The following PRKN variants were observed in gnomAD, a reference collection of about 807,000 sequenced individuals.
The protein encoded by PRKN is parkin RBR E3 ubiquitin protein ligase.
A neutral mutation model predicts 59.5 loss-of-function variants in PRKN; 56 were observed. That is an observed-to-expected ratio of 0.94 (90% CI 0.76 to 1.18). PRKN has a LOEUF of 1.18. Ranked by LOEUF, PRKN falls within the 50% of genes most tolerant of loss-of-function variation. PRKN has a pLI of 0.00. For missense variants in PRKN, 657 were observed against 596.4 expected, an observed-to-expected ratio of 1.10 and a Z score of -1.06; for synonymous variants, 250 against 222.1, an observed-to-expected ratio of 1.13 and a Z score of -1.12.
intron 1 of PRKN, among the ~76,000 whole-genome samples, chr6:162,652,835 AC>A (rs1455423916): frequency 1.3e-5 from 2 of 151,914 alleles, no homozygotes; most frequent in Admixed American, 6.6e-5. Context: ...TTGAGAACTA[AC>A]CCCCCGATAA....
At chr6:161,431,737 C>T (rs1213592155) in intron 9 of PRKN, among the ~76,000 whole-genome samples, 2 of 152,006 alleles carry the variant, frequency 1.3e-5, no homozygotes, top group Non-Finnish European at 2.9e-5. Context: ...CTCAGCCTCC[C>T]GAGTAGCTGG....
intron 1 of PRKN, among the ~76,000 whole-genome samples, chr6:162,647,460 A>T (rs549538777): frequency 6.8e-6 from 1 of 148,120 alleles, no homozygotes; most frequent in African/African-American, 2.4e-5. Context: ...CAAAATTGTG[A>T]TTCAAACGCA....
chr6:162,195,453 G>C (rs1225987229), intron 4 of PRKN, among the ~76,000 whole-genome samples: 1 of 152,146 alleles, frequency 6.6e-6, no homozygotes, highest in Non-Finnish European at 1.5e-5. Context: ...CAAATATTAA[G>C]CTTAGGAATG....
chr6:162,535,856 C>G (rs1257263317), intron 1 of PRKN, among the ~76,000 whole-genome samples: 1 of 149,988 alleles, frequency 6.7e-6, no homozygotes, highest in African/African-American at 2.5e-5. Context: ...TGCAATGAAC[C>G]AAGATCGCAC....
chr6:162,073,771 T>G (rs73032227), intron 4 of PRKN, among the ~76,000 whole-genome samples: 1 of 152,192 alleles, frequency 6.6e-6, no homozygotes, highest in East Asian at 1.9e-4. Context: ...TTTTAAAACA[T>G]AATTTGGCAG....
intron 2 of PRKN, among the ~76,000 whole-genome samples, chr6:162,432,511 C>T (rs542295061): frequency 1.9e-4 from 29 of 151,032 alleles, no homozygotes; most frequent in South Asian, 1.0e-3. Context: ...GGCAACAAAG[C>T]GAGACACCGT....
At chr6:162,275,744 A>G (rs1312181643) in intron 2 of PRKN, among the ~76,000 whole-genome samples, 2 of 152,026 alleles carry the variant, frequency 1.3e-5, no homozygotes, top group African/African-American at 2.4e-5. Flanking sequence ...AAGACCACAC[A>G]ATCGCACTCC....
intron 7 of PRKN, among the ~76,000 whole-genome samples, chr6:161,637,380 CAAG>C (rs1421036533): frequency 1.3e-5 from 2 of 150,138 alleles, no homozygotes; most frequent in Non-Finnish European, 3.0e-5. Context: ...ATTAAACTGT[CAAG>C]AACAAAATTG....
intron 3 of PRKN, among the ~76,000 whole-genome samples, chr6:162,257,964 C>G (rs949212294): frequency 6.6e-6 from 1 of 152,120 alleles, no homozygotes; most frequent in Non-Finnish European, 1.5e-5. Context: ...TTTCTGACAT[C>G]CTCTTCTCCG....
chr6:161,712,199 A>T (rs1786778333), intron 7 of PRKN, among the ~76,000 whole-genome samples: 1 of 152,198 alleles, frequency 6.6e-6, no homozygotes. Flanking sequence ...AGAATATTCA[A>T]ATGTGGGCCT....
Position 162,264,463 on chromosome 6 carries a change from CTCG to C in PRKN, c.172-1701_172-1699del, listed in dbSNP as rs530302227. 8.2e-3 allele frequency among the ~76,000 whole-genome samples: 1,242 copies of C among 152,114 alleles called. 6 individuals are homozygous for C. Among genetic ancestry groups the C allele is most frequent in the Middle Eastern group, 0.031 (9 of 294 alleles). ...TCTGTTGCCCTCACCATCAATGTCC[CTCG>C]AACAGTGGTGCCCAGCACTCACCAA... On this transcript the variant is annotated intron_variant, in intron 2 of 11. Coordinates refer to ENST00000366898, the MANE Select transcript of PRKN (RefSeq NM_004562.3).
intron 6 of PRKN, among the ~76,000 whole-genome samples, chr6:161,912,250 G>A (rs12526500): frequency 5.9e-5 from 9 of 151,834 alleles, no homozygotes; most frequent in Admixed American, 2.0e-4. Context: ...TTGAGCGGAC[G>A]TTAAAACCAG....
intron 7 of PRKN, among the ~76,000 whole-genome samples, chr6:161,715,780 C>T (rs1786948159): frequency 6.6e-6 from 1 of 152,130 alleles, no homozygotes; most frequent in Non-Finnish European, 1.5e-5. Flanking sequence ...TGATGCAGAA[C>T]CCCAGTCACT....
rs763721534 is a variant in PRKN at position 161,562,596 on chromosome 6, G to A, written c.933+6759C>T. ...GCTCTCACTCACACATCCAAGTCCC[G>A]ACTTATCTCCTTCTCCATGCTTCAG... is the stretch of plus-strand genomic sequence containing the variant. On this transcript the variant is annotated intron_variant, in intron 8 of 11. Coordinates refer to ENST00000366898, the MANE Select transcript of PRKN (RefSeq NM_004562.3). This position sits in a 1 kb window ranked among gnomAD's most constrained non-coding sequence, Gnocchi z 4.3. 3.9e-5 allele frequency among the ~76,000 whole-genome samples: 6 copies of A among 152,128 alleles called. No individual in the cohort carries two copies. Among genetic ancestry groups the A allele is most frequent in the Non-Finnish European group, 7.3e-5 (5 of 68,030 alleles).
chr6:161,787,953 CA>C (rs1790490741), intron 6 of PRKN, among the ~76,000 whole-genome samples: 1 of 152,098 alleles, frequency 6.6e-6, no homozygotes, highest in Non-Finnish European at 1.5e-5. Flanking sequence ...AACAAACAAA[CA>C]AAAAAGCTTA....
intron 1 of PRKN, among the ~76,000 whole-genome samples, chr6:162,638,882 T>C (rs1323319365): frequency 6.6e-6 from 1 of 151,778 alleles, no homozygotes; most frequent in African/African-American, 2.4e-5. Context: ...ATAGTTGGGA[T>C]TACAGGCACC....
At chr6:161,516,894 C>T (rs1334334603) in intron 9 of PRKN, among the ~76,000 whole-genome samples, 1 of 150,560 alleles carries the variant, frequency 6.6e-6, no homozygotes, top group Non-Finnish European at 1.5e-5. Flanking sequence ...AATAAGCCAC[C>T]ATTTCAGTGG....
At chr6:162,480,064 CAA>C (rs59112045) in intron 1 of PRKN, among the ~76,000 whole-genome samples, 76 of 141,624 alleles carry the variant, frequency 5.4e-4, no homozygotes, top group Admixed American at 1.3e-3. Flanking sequence ...GATTTTGTCT[CAA>C]AAAAAAAAAA....
intron 1 of PRKN, among the ~76,000 whole-genome samples, chr6:162,509,178 C>T (rs1583692782): frequency 6.6e-6 from 1 of 152,152 alleles, no homozygotes; most frequent in Non-Finnish European, 1.5e-5. Context: ...GGTATTTCTA[C>T]AAACATATCC....
Sources: allele counts gnomAD v4.1 joint callset (sites outside exome capture counted in the v4.1 genomes callset), GRCh38; gene constraint gnomAD v4.1.1; non-coding constraint Gnocchi (gnomAD v3.1); transcripts MANE v1.5; gene names NCBI Gene and HGNC (gene_info 2026-07-23, HGNC 2026-07-21).